Variants in EGFR observed in about 807,000 individuals in gnomAD.
EGFR encodes the protein epidermal growth factor receptor.
In EGFR, 58 loss-of-function variants were observed where a neutral mutation model predicts 143.0. The ratio of observed to expected loss-of-function variants is 0.41; its 90% CI spans 0.33 to 0.50. The LOEUF is 0.50. Among genes scored for constraint, EGFR ranks in the 20% least tolerant of loss-of-function variants. EGFR has a pLI of 0.39. For synonymous variants in EGFR, 613 were observed against 594.4 expected, an observed-to-expected ratio of 1.03 and a Z score of -0.45; for missense variants, 1,307 against 1,579.0, an observed-to-expected ratio of 0.83 and a Z score of 2.92.
At chr7:55,148,774 C>T (rs1794893661) in intron 4 of EGFR, among the ~76,000 whole-genome samples, 1 of 152,088 alleles carries the variant, frequency 6.6e-6, no homozygotes, top group Non-Finnish European at 1.5e-5. Flanking sequence ...TGCTGCCAGG[C>T]TCCTGTGGTA....
At chr7:55,104,346 C>T (rs561029678) in intron 1 of EGFR, among the ~76,000 whole-genome samples, 1 of 152,322 alleles carries the variant, frequency 6.6e-6, no homozygotes, top group East Asian at 1.9e-4. Flanking sequence ...GCTCCCAACT[C>T]CGCCGTCGCT....
At chr7:55,157,023 C>T in intron 10 of EGFR, 191 bp downstream of exon 10, 1 of 1,393,142 alleles carries the variant, frequency 7.2e-7, no homozygotes, top group Non-Finnish European at 9.5e-7. Flanking sequence ...TAAGTCCAGG[C>T]TTGGGTCATT....
At chr7:55,190,700 A>G (rs1787354698) in intron 20 of EGFR, among the ~76,000 whole-genome samples, 1 of 152,148 alleles carries the variant, frequency 6.6e-6, no homozygotes, top group African/African-American at 2.4e-5. Flanking sequence ...TGTACTAGAA[A>G]GTACATGAAC....
At chr7:55,173,285 T>C (rs944883930) in intron 17 of EGFR, among the ~76,000 whole-genome samples, 161 bp downstream of exon 17, 3 of 152,232 alleles carry the variant, frequency 2.0e-5, no homozygotes, top group Non-Finnish European at 4.4e-5. Flanking sequence ...GTTGGTGACA[T>C]GTTGGTACAT....
At chr7:55,110,003 T>C (rs1406528788) in intron 1 of EGFR, 4 of 933,562 alleles carry the variant, frequency 4.3e-6, no homozygotes, top group African/African-American at 1.8e-5. Context: ...ATGTGAGAGA[T>C]AACAGCATAA....
At chr7:55,157,100 C>G (rs1190543270) in intron 10 of EGFR, 1 of 769,894 alleles carries the variant, frequency 1.3e-6, no homozygotes, top group Non-Finnish European at 1.9e-6. Flanking sequence ...TGGCCCATAA[C>G]CCCTGAGGGT....
At chr7:55,160,007 T>C in intron 11 of EGFR, 132 bp from the exon 12 acceptor site, 2 of 934,920 alleles carry the variant, frequency 2.1e-6, no homozygotes, top group Admixed American at 2.1e-5. Context: ...AGTGTGTGCC[T>C]CCCACAGCAT....
chr7:55,132,290 AT>A (rs1793890068), intron 1 of EGFR, among the ~76,000 whole-genome samples: 1 of 152,334 alleles, frequency 6.6e-6, no homozygotes, highest in Non-Finnish European at 1.5e-5. Context: ...AGAATTTCCA[AT>A]CCCAATTTTT....
intron 19 of EGFR, 133 bp from the exon 20 acceptor site, chr7:55,181,160 C>A (rs2128957919): frequency 8.8e-7 from 1 of 1,139,824 alleles, no homozygotes; most frequent in South Asian, 1.3e-5. Flanking sequence ...TTTGCAGGCA[C>A]AGCTTTTCCT....
chr7:55,170,723 G>A (rs1786306117), intron 15 of EGFR: 1 of 1,499,946 alleles, frequency 6.7e-7, no homozygotes, highest in East Asian at 2.4e-5. Context: ...CCTCCTCGCT[G>A]CCAGATGATT....
chr7:55,049,204 T>C (rs187484751), intron 1 of EGFR, among the ~76,000 whole-genome samples: 1 of 152,194 alleles, frequency 6.6e-6, no homozygotes, highest in African/African-American at 2.4e-5. Context: ...ATCATCTAGA[T>C]TGGACATAGG....
At chr7:55,077,514 G>A (rs1790194565) in intron 1 of EGFR, among the ~76,000 whole-genome samples, 1 of 152,168 alleles carries the variant, frequency 6.6e-6, no homozygotes. Flanking sequence ...GTGTGTGTGT[G>A]TTGTGTGCCC....
intron 1 of EGFR, among the ~76,000 whole-genome samples, chr7:55,028,975 T>A (rs975164304): frequency 6.6e-6 from 1 of 151,870 alleles, no homozygotes; most frequent in East Asian, 1.9e-4. Context: ...CTGACCAACA[T>A]GGTGAAACCC....
intron 15 of EGFR, among the ~76,000 whole-genome samples, chr7:55,167,395 G>A (rs845548): frequency 0.032 from 3,028 of 94,468 alleles, 1 homozygote; most frequent in Non-Finnish European, 0.039. Flanking sequence ...GGAGGTGGGA[G>A]TCACAGTGGT....
chr7:55,152,616 C>T lies in EGFR; in HGVS notation c.699C>T (p.His233=), dbSNP rs763962907. Residue 233 remains histidine (H), a synonymous_variant, in exon 6 of 28, where the codon CAC becomes CAT. Coordinates refer to ENST00000275493, the MANE Select transcript of EGFR (RefSeq NM_005228.5). The stretch of plus-strand genomic sequence containing the variant: ...GCAAGTCCCCCAGTGACTGCTGCCA[C>T]AACCAGTGTGCTGCAGGCTGCACAG... The part of the protein sequence containing the change: ...CRGKSPSDCC[H]NQCAAGCTGP... 1.9e-6 allele frequency: 3 copies of T among 1,613,970 alleles called. No individual in the cohort carries two copies. The highest frequency in any genetic ancestry group is 2.5e-6 in the Non-Finnish European group (3 of 1,180,046).
At chr7:55,081,777 T>A (rs1790480778) in intron 1 of EGFR, among the ~76,000 whole-genome samples, 1 of 151,930 alleles carries the variant, frequency 6.6e-6, no homozygotes, top group Non-Finnish European at 1.5e-5. Flanking sequence ...TGTCAGTGTG[T>A]TCTAATTTAC....
chr7:55,198,082 CT>C (rs1005333117), intron 22 of EGFR, among the ~76,000 whole-genome samples: 3 of 152,196 alleles, frequency 2.0e-5, no homozygotes, highest in East Asian at 3.9e-4. Context: ...ATGGTACCAG[CT>C]TTTTTTGTAC....
intron 20 of EGFR, among the ~76,000 whole-genome samples, chr7:55,183,165 T>C (rs1263208698): frequency 6.6e-6 from 1 of 152,116 alleles, no homozygotes; most frequent in African/African-American, 2.4e-5. Flanking sequence ...TTTTCCTGTG[T>C]CTCTGCAACC....
At chr7:55,024,502 T>A (rs554194620) in intron 1 of EGFR, among the ~76,000 whole-genome samples, 4 of 152,334 alleles carry the variant, frequency 2.6e-5, no homozygotes, top group Non-Finnish European at 5.9e-5. Flanking sequence ...CAAGTTATAA[T>A]TTAGGGGACA....
Sources: gnomAD v4.1 joint callset for allele counts (sites outside exome capture counted in the v4.1 genomes callset) on GRCh38, gnomAD v4.1.1 for gene constraint, MANE v1.5 for transcripts, NCBI Gene and HGNC (gene_info 2026-07-23, HGNC 2026-07-21) for gene names.